CFAP47: variants seen among roughly 807,000 people sequenced by gnomAD.
CFAP47 encodes the protein cilia and flagella associated protein 47, also known as cilia- and flagella-associated protein 47.
A neutral mutation model predicts 148.1 loss-of-function variants in CFAP47; 29 were observed. That is an observed-to-expected ratio of 0.20 (90% confidence interval 0.15 to 0.27). The LOEUF (loss-of-function observed/expected upper bound fraction) is 0.27, where lower values mean the gene tolerates loss of function less well. Among genes scored for constraint, CFAP47 ranks in the 10% least tolerant of loss-of-function variants. CFAP47 has a pLI of 1.00. For missense variants in CFAP47, 1,872 were observed against 1,697.5 expected, an observed-to-expected ratio of 1.10 and a Z score of -1.81; for synonymous variants, 664 against 577.3, an observed-to-expected ratio of 1.15 and a Z score of -2.15.
intron 49 of CFAP47, among the ~76,000 whole-genome samples, 169 bp downstream of exon 49, chrX:36,251,613 T>G (rs1291538126): frequency 8.9e-6 from 1 of 111,839 alleles, no homozygotes; most frequent in Non-Finnish European, 1.9e-5. Flanking sequence ...AGGGCTTTGA[T>G]GCATACATTT....
At chrX:36,069,915 A>C (rs1004929572) in intron 27 of CFAP47, among the ~76,000 whole-genome samples, 1 of 112,302 alleles carries the variant, frequency 8.9e-6, no homozygotes, top group Non-Finnish European at 1.9e-5. Context: ...AAAGTGAATT[A>C]TTGAGTTTAG....
chrX:36,010,532 A>C (rs1937027615), intron 21 of CFAP47, among the ~76,000 whole-genome samples: 1 of 105,106 alleles, frequency 9.5e-6, no homozygotes, highest in Admixed American at 1.0e-4. Context: ...ATCTCGGCTC[A>C]CTGCAAGCTC....
chrX:35,925,504 T>G (rs1935724576), intron 1 of CFAP47, among the ~76,000 whole-genome samples: 1 of 112,358 alleles, frequency 8.9e-6, no homozygotes, highest in Admixed American at 9.4e-5. Context: ...AATGTATACC[T>G]GTATTAGTAC....
chrX:36,251,199 G>T (rs1023521843), intron 48 of CFAP47, 134 bp from the exon 49 acceptor site: 27 of 275,973 alleles, frequency 9.8e-5, no homozygotes, highest in African/African-American at 6.5e-4. Flanking sequence ...AAAAGTGAAT[G>T]ATTTTATTGG....
At chrX:36,019,974 GGTTT>G (rs1238098970) in intron 22 of CFAP47, among the ~76,000 whole-genome samples, 20 of 110,442 alleles carry the variant, frequency 1.8e-4, no homozygotes, top group African/African-American at 3.0e-4. Context: ...TACTAATTCT[GGTTT>G]GTTCTTGTTT....
At chrX:36,222,592 AT>A (rs1305830046) in intron 45 of CFAP47, among the ~76,000 whole-genome samples, 10 of 110,186 alleles carry the variant, frequency 9.1e-5, no homozygotes, top group Admixed American at 1.9e-4. Context: ...TAGAAAATGG[AT>A]TTTTTTCCTG....
intron 49 of CFAP47, among the ~76,000 whole-genome samples, chrX:36,270,297 C>T (rs782586096): frequency 9.0e-6 from 1 of 110,750 alleles, no homozygotes; most frequent in South Asian, 3.8e-4. Flanking sequence ...ATGAGAAATC[C>T]AGTTCCTCCA....
chrX:36,065,492 T>C, intron 26 of CFAP47, 151 bp from the exon 27 acceptor site: 1 of 414,142 alleles, frequency 2.4e-6, no homozygotes, highest in East Asian at 4.2e-5. Context: ...ATCATTAACA[T>C]TGAGTAGATG....
Position 36,073,199 on chromosome X carries a change from A to G in CFAP47, c.4526A>G (p.His1509Arg). Reference protein sequence around the residue: ...LDESETSEEDHGSLEKEKYEQ... With the variant: ...LDESETSEEDRGSLEKEKYEQ... ...GAAAGTGAAACATCAGAGGAAGATC[A>G]TGGGTCTCTGGAAAAGGAAAAATAT... The change falls in exon 29 of 64, where the codon CAT becomes CGT. Residue 1509 changes from histidine (H) to arginine (R), a missense_variant. Coordinates refer to ENST00000378653, the MANE Select transcript of CFAP47 (RefSeq NM_001304548.2). 1.5e-5 allele frequency: 18 copies of G among 1,210,715 alleles called. No individual in the cohort carries two copies. The highest frequency in any genetic ancestry group is 1.9e-5 in the Non-Finnish European group (17 of 894,670).
At chrX:36,191,684 C>A (rs782014473) in intron 42 of CFAP47, among the ~76,000 whole-genome samples, 74 of 111,229 alleles carry the variant, frequency 6.7e-4, no homozygotes, top group Non-Finnish European at 2.1e-4. Flanking sequence ...ACTGCTTTAC[C>A]ATTAAGAACC....
At chrX:36,115,127 C>T (rs1308214662) in intron 33 of CFAP47, among the ~76,000 whole-genome samples, 1 of 112,136 alleles carries the variant, frequency 8.9e-6, no homozygotes, top group Non-Finnish European at 1.9e-5. Context: ...CTCCCCAAGA[C>T]TAGATGGAAT....
In CFAP47 at chrX:36,354,500, A is replaced by AT. The variant is rs1941770699; in HGVS notation, c.8851+819_8851+820insT. On this transcript the variant is annotated intron_variant, in intron 60 of 63. Coordinates refer to ENST00000378653, the MANE Select transcript of CFAP47 (RefSeq NM_001304548.2). Reference sequence around the variant, plus strand: ...TGTCTCAAAAAAAAAAAAAAAAAAAAGATTTACTATCTCAATTAAAAAACA... The same window carrying AT: ...TGTCTCAAAAAAAAAAAAAAAAAAAATGATTTACTATCTCAATTAAAAAACA... Among the ~76,000 whole-genome samples, 12 of 108,854 alleles carry AT rather than the reference A, an allele frequency of 1.1e-4. No individual in the cohort carries two copies. The South Asian group carries it at 4.3e-3, about 39-fold the overall frequency. 94.5% of individuals were successfully genotyped at this position (108,854 alleles called of 115,157 possible). A position where few individuals can be genotyped will look rare whatever the true frequency, so the allele number is the denominator to read the frequency against.
chrX:36,331,591 A>G (rs1941565766), intron 57 of CFAP47, among the ~76,000 whole-genome samples: 1 of 111,741 alleles, frequency 8.9e-6, no homozygotes, highest in Admixed American at 9.6e-5. Flanking sequence ...AGATTTCTCC[A>G]TATCAGTTAA....
chrX:36,363,969 G>T (rs1475039948), intron 61 of CFAP47, among the ~76,000 whole-genome samples: 1 of 111,521 alleles, frequency 9.0e-6, no homozygotes, highest in Admixed American at 9.6e-5. Flanking sequence ...TTAAAATAAT[G>T]AAATAACAGA....
chrX:36,349,310 G>C (rs1296621041), intron 58 of CFAP47, among the ~76,000 whole-genome samples: 1 of 111,103 alleles, frequency 9.0e-6, no homozygotes, highest in Non-Finnish European at 1.9e-5. Flanking sequence ...GTTGCCCAGG[G>C]TGGAGTGCAG....
intron 2 of CFAP47, among the ~76,000 whole-genome samples, chrX:35,930,667 T>A (rs1284646575): frequency 9.0e-6 from 1 of 111,634 alleles, no homozygotes; most frequent in Non-Finnish European, 1.9e-5. Flanking sequence ...ATGTTGTTAC[T>A]GTAGTTTCTC....
intron 29 of CFAP47, among the ~76,000 whole-genome samples, chrX:36,081,391 C>T (rs761751151): frequency 9.0e-6 from 1 of 111,174 alleles, no homozygotes; most frequent in Non-Finnish European, 1.9e-5. Context: ...CAAAAGAATT[C>T]ACAGCCAAAT....
At chrX:36,265,484 A>G (rs1166166775) in intron 49 of CFAP47, among the ~76,000 whole-genome samples, 1 of 111,649 alleles carries the variant, frequency 9.0e-6, no homozygotes. Flanking sequence ...TCTTGTTTCA[A>G]TTCTCAAGGT....
intron 36 of CFAP47, among the ~76,000 whole-genome samples, chrX:36,147,608 A>G (rs1323703768): frequency 1.8e-5 from 2 of 111,787 alleles, no homozygotes; most frequent in African/African-American, 3.3e-5. Flanking sequence ...GTACCACACT[A>G]TAGTGGGGGT....
Sources: gnomAD v4.1 joint callset for allele counts (sites outside exome capture counted in the v4.1 genomes callset) on GRCh38, gnomAD v4.1.1 for gene constraint, MANE v1.5 for transcripts, NCBI Gene and HGNC (gene_info 2026-07-23, HGNC 2026-07-21) for gene names.